The following TDRD12 variants were observed in gnomAD, a reference collection of about 807,000 sequenced individuals.
TDRD12 encodes putative ATP-dependent RNA helicase TDRD12.
In TDRD12, 158 loss-of-function variants were observed where a neutral mutation model predicts 133.5. The observed-to-expected ratio is 1.18, with a 90% CI of 1.04 to 1.35. The LOEUF (loss-of-function observed/expected upper bound fraction) is 1.35. TDRD12 is among the 40% of genes most tolerant of loss of function. TDRD12 has a pLI of 0.00. For synonymous variants in TDRD12, 460 were observed against 477.9 expected, an observed-to-expected ratio of 0.96 and a Z score of 0.49; for missense variants, 1,443 against 1,321.3, an observed-to-expected ratio of 1.09 and a Z score of -1.43.
At position 32,798,407 on chromosome 19, in the gene TDRD12, AG is replaced by A; in HGVS notation, c.1732del (p.Val578CysfsTer14). The A allele has an allele frequency of 6.5e-7, 1 of 1,535,826 alleles. No homozygotes were observed. The highest frequency in any genetic ancestry group is 8.7e-7 in the Non-Finnish European group (1 of 1,146,708). On this transcript the variant is annotated frameshift_variant, in exon 16 of 28. Coordinates refer to ENST00000444215, the Ensembl canonical transcript of TDRD12. LOFTEE classifies it high-confidence loss of function. The stretch of plus-strand genomic sequence containing the variant: ...TGCCACCTGATCCTGGATGAGGTAG[AG>A]GTGCTATTCTTGGAAGCCAATGAAC...
At chr19:32,806,863 T>C (rs922292315) in intron 21 of TDRD12, among the ~76,000 whole-genome samples, 10 of 152,040 alleles carry the variant, frequency 6.6e-5, no homozygotes, top group Non-Finnish European at 1.5e-4. Context: ...GGTTTCACCA[T>C]GTTGGCCAGG....
chr19:32,761,974 G>A (rs138014713), intron 8 of TDRD12, among the ~76,000 whole-genome samples: 136 of 152,296 alleles, frequency 8.9e-4, no homozygotes, highest in Non-Finnish European at 1.8e-3. Context: ...AAAGTGCGGG[G>A]ATTACAGGCA....
intron 22 of TDRD12, 144 bp from the exon 23 acceptor site, chr19:32,809,949 C>A: frequency 2.1e-6 from 1 of 479,508 alleles, no homozygotes; most frequent in Non-Finnish European, 3.5e-6. Flanking sequence ...GCTTTTTTGG[C>A]TAGCTTCCTA....
chr19:32,772,564 A>G (rs527995257), intron 8 of TDRD12, among the ~76,000 whole-genome samples, 189 bp from the exon 9 acceptor site: 1 of 152,350 alleles, frequency 6.6e-6, no homozygotes, highest in East Asian at 1.9e-4. Flanking sequence ...TGTTTTTACA[A>G]TAAAGGTTGA....
chr19:32,802,555 T>G, intron 19 of TDRD12, 101 bp from the exon 20 acceptor site: 1 of 1,317,874 alleles, frequency 7.6e-7, no homozygotes, highest in Non-Finnish European at 1.0e-6. Context: ...AAAAGTAAAA[T>G]GTGATATGGA....
intron 26 of TDRD12, among the ~76,000 whole-genome samples, chr19:32,815,864 C>T (rs1035434916): frequency 1.1e-4 from 16 of 152,078 alleles, no homozygotes; most frequent in East Asian, 1.9e-4. Flanking sequence ...TGTGGCAGCA[C>T]GTGCCTGTAA....
At chr19:32,780,517 G>A (rs1970732691) in intron 11 of TDRD12, among the ~76,000 whole-genome samples, 1 of 152,116 alleles carries the variant, frequency 6.6e-6, no homozygotes, top group African/African-American at 2.4e-5. Flanking sequence ...TTCCAGACCC[G>A]AGCCCTCTGC....
chr19:32,726,305 C>A (rs927053734), intron 1 of TDRD12, among the ~76,000 whole-genome samples: 1 of 152,148 alleles, frequency 6.6e-6, no homozygotes, highest in Non-Finnish European at 1.5e-5. Flanking sequence ...TGGTCTTGAT[C>A]TCCTGACCTT....
At chr19:32,748,788 T>C (rs982086701) in intron 5 of TDRD12, among the ~76,000 whole-genome samples, 2 of 152,264 alleles carry the variant, frequency 1.3e-5, no homozygotes, top group African/African-American at 4.8e-5. Context: ...ACAGTAATAA[T>C]ACCTGCCTCT....
At chr19:32,720,081 G>C in exon 1 of TDRD12, 1 of 1,548,356 alleles carries the variant, frequency 6.5e-7, no homozygotes, top group Non-Finnish European at 8.7e-7. Context: ...GGATGCTCCA[G>C]CTCCTGGTGC....
chr19:32,772,830 T>A, exon 9 of TDRD12: 3 of 1,488,932 alleles, frequency 2.0e-6, no homozygotes, highest in Non-Finnish European at 2.7e-6. Flanking sequence ...CCATTGCATC[T>A]CTTTAAAAGA....
intron 3 of TDRD12, 113 bp from the exon 4 acceptor site, chr19:32,742,667 GT>G: frequency 8.7e-7 from 1 of 1,151,308 alleles, no homozygotes; most frequent in Non-Finnish European, 1.2e-6. Flanking sequence ...AGAAAGAATT[GT>G]TTTTTGTGTG....
chr19:32,748,378 G>A (rs1969719025), intron 4 of TDRD12, 98 bp from the exon 5 acceptor site: 2 of 1,207,720 alleles, frequency 1.7e-6, no homozygotes, highest in Admixed American at 2.2e-5. Flanking sequence ...TGTTCCATAT[G>A]TAGTGTGAGA....
downstream of TDRD12, chr19:32,825,962 G>GT: frequency 1.6e-6 from 1 of 608,946 alleles, no homozygotes; most frequent in South Asian, 2.6e-5. This position sits in a 1 kb window ranked among gnomAD's most constrained non-coding sequence, Gnocchi z 4.1. Context: ...AGATACTAGG[G>GT]TTACTCAATT....
intron 23 of TDRD12, among the ~76,000 whole-genome samples, 180 bp from the exon 24 acceptor site, chr19:32,811,030 T>C (rs544608479): frequency 2.6e-5 from 4 of 152,266 alleles, no homozygotes; most frequent in Non-Finnish European, 5.9e-5. Context: ...TTTATACTTA[T>C]GTATACTTTA....
At chr19:32,772,623 C>A in intron 8 of TDRD12, 130 bp from the exon 9 acceptor site, 1 of 557,584 alleles carries the variant, frequency 1.8e-6, no homozygotes, top group Non-Finnish European at 3.1e-6. Flanking sequence ...ACTACAAATT[C>A]ATATTCCATA....
At chr19:32,756,429 C>T (rs1425175049) in intron 7 of TDRD12, among the ~76,000 whole-genome samples, 1 of 152,246 alleles carries the variant, frequency 6.6e-6, no homozygotes, top group Non-Finnish European at 1.5e-5. Context: ...GGTCTGTAAC[C>T]CAGGCTGGAG....
chr19:32,802,175 C>CATATATATGATAGTG (rs1014705302), intron 19 of TDRD12, among the ~76,000 whole-genome samples: 24 of 138,214 alleles, frequency 1.7e-4, no homozygotes, highest in Non-Finnish European at 3.2e-4. Context: ...TAATATATAT[C>CATATATATGATAGTG]ATATATATGA....
At chr19:32,747,730 C>G (rs1277472994) in intron 4 of TDRD12, among the ~76,000 whole-genome samples, 1 of 152,092 alleles carries the variant, frequency 6.6e-6, no homozygotes, top group Non-Finnish European at 1.5e-5. Flanking sequence ...TAGCCGAGAC[C>G]CAGTGCGTTA....
Sources: allele counts gnomAD v4.1 joint callset (sites outside exome capture counted in the v4.1 genomes callset), GRCh38; gene constraint gnomAD v4.1.1; non-coding constraint Gnocchi (gnomAD v3.1); transcripts MANE v1.5; gene names NCBI Gene and HGNC (gene_info 2026-07-23, HGNC 2026-07-21).